The following RHPN2 variants were observed in gnomAD, a reference collection of about 807,000 sequenced individuals.
The protein encoded by RHPN2 is rhophilin Rho GTPase binding protein 2.
A neutral mutation model predicts 79.0 loss-of-function variants in RHPN2; 40 were observed. The observed-to-expected ratio is 0.51, with a 90% CI of 0.39 to 0.66. RHPN2 has a LOEUF of 0.66. Among genes scored for constraint, RHPN2 ranks in the 30% least tolerant of loss-of-function variants. RHPN2 has a pLI of 0.00. For synonymous variants in RHPN2, 285 were observed against 363.5 expected (o/e 0.78, Z 2.46); for missense variants, 686 against 883.5 (o/e 0.78, Z 2.83).
In RHPN2 at chr19:33,026,703, C is replaced by T. The variant is rs1252339215; in HGVS notation, c.186-71G>A. 17 of 1,546,960 alleles carry T rather than the reference C, an allele frequency of 1.1e-5. No homozygotes were observed. The Admixed American group carries it at 2.9e-4, about 26-fold the overall frequency. The stretch of plus-strand genomic sequence containing the variant: ...TGGCTTCTAGGTGAGCAGACCCAAT[C>T]CCCAGTCCCTGCAGGGAGGATCAGG... On this transcript the variant is annotated intron_variant, in intron 2 of 14. Coordinates refer to ENST00000254260, the MANE Select transcript of RHPN2 (RefSeq NM_033103.5).
At position 33,042,200 on chromosome 19, in the gene RHPN2, A is replaced by AG. The variant is rs1555714223; in HGVS notation, c.185+2048_185+2049insC. 4.0e-5 allele frequency among the ~76,000 whole-genome samples: 6 copies of AG among 151,408 alleles called. No individual in the cohort carries two copies. The South Asian group carries it at 6.3e-4, about 16-fold the overall frequency. ...GTGAAACTCCATCTCAAAAAAAAAAAAAAGGTGCTCAATGAATCCATGAAT... is the reference window on the plus strand; with the variant it reads ...GTGAAACTCCATCTCAAAAAAAAAAAGAAAGGTGCTCAATGAATCCATGAAT... On this transcript the variant is annotated intron_variant, in intron 2 of 14. Coordinates refer to ENST00000254260, the MANE Select transcript of RHPN2 (RefSeq NM_033103.5).
chr19:33,013,542 G>A (rs1218051465), intron 4 of RHPN2, among the ~76,000 whole-genome samples: 2 of 151,656 alleles, frequency 1.3e-5, no homozygotes, highest in Non-Finnish European at 2.9e-5. Context: ...GAGAGTTGAA[G>A]TAAATTTTTT....
At chr19:32,999,950 G>A (rs540314341) in intron 9 of RHPN2, among the ~76,000 whole-genome samples, 26 of 152,180 alleles carry the variant, frequency 1.7e-4, no homozygotes, top group South Asian at 4.2e-4. Flanking sequence ...GTTCACTGCC[G>A]CCTTGAACTC....
intron 10 of RHPN2, among the ~76,000 whole-genome samples, chr19:32,997,168 G>A (rs537774438): frequency 1.1e-3 from 172 of 152,280 alleles, no homozygotes; most frequent in Middle Eastern, 3.4e-3. Flanking sequence ...CAGACTGCTG[G>A]GATGACAGGC....
intron 3 of RHPN2, among the ~76,000 whole-genome samples, chr19:33,023,458 A>C (rs1971941093): frequency 6.6e-6 from 1 of 150,816 alleles, no homozygotes; most frequent in Admixed American, 6.6e-5. Context: ...AAAAAGAAAA[A>C]AAAAAGATCA....
At chr19:33,030,868 G>A (rs1042564817) in intron 2 of RHPN2, among the ~76,000 whole-genome samples, 22 of 152,134 alleles carry the variant, frequency 1.4e-4, no homozygotes, top group African/African-American at 4.3e-4. Flanking sequence ...GTAGGGGCTC[G>A]GTCCCACAAG....
chr19:32,982,257 A>G (rs1285142552), intron 14 of RHPN2, among the ~76,000 whole-genome samples: 4 of 151,966 alleles, frequency 2.6e-5, no homozygotes, highest in East Asian at 3.9e-4. Flanking sequence ...AAAATACAAA[A>G]ATCAGCCAGG....
chr19:33,042,189 C>CAAAA (rs111551787), intron 2 of RHPN2, among the ~76,000 whole-genome samples: 2 of 129,426 alleles, frequency 1.5e-5, no homozygotes, highest in Admixed American at 8.4e-5. Context: ...AACTCCATCT[C>CAAAA]AAAAAAAAAA....
At chr19:33,012,121 A>AACTTCC (rs1971840349) in intron 5 of RHPN2, among the ~76,000 whole-genome samples, 1 of 147,318 alleles carries the variant, frequency 6.8e-6, no homozygotes, top group African/African-American at 2.5e-5. Context: ...GGCTCACTGT[A>AACTTCC]ACTTCCACCT....
intron 10 of RHPN2, among the ~76,000 whole-genome samples, chr19:32,997,573 T>C (rs1359934339): frequency 6.6e-6 from 1 of 151,740 alleles, no homozygotes; most frequent in Non-Finnish European, 1.5e-5. Flanking sequence ...CACTGCAACC[T>C]CCACCTCCCA....
chr19:33,005,790 A>G (rs1207250435), intron 7 of RHPN2, among the ~76,000 whole-genome samples: 1 of 152,152 alleles, frequency 6.6e-6, no homozygotes, highest in African/African-American at 2.4e-5. Context: ...AAGATTCCTC[A>G]GAAAGATGAG....
chr19:33,022,065 C>A (rs1249420224), intron 3 of RHPN2, among the ~76,000 whole-genome samples: 1 of 152,120 alleles, frequency 6.6e-6, no homozygotes, highest in African/African-American at 2.4e-5. Flanking sequence ...CTCAGCCCCC[C>A]GAGTAACTGG....
Position 33,044,355 on chromosome 19 carries a change from G to A in RHPN2, c.79C>T (p.Pro27Ser), listed in dbSNP as rs750714554. 61 of 1,613,706 alleles carry A rather than the reference G, an allele frequency of 3.8e-5. No individual in the cohort carries two copies. In the South Asian group the frequency reaches 5.8e-4, roughly 15 times the overall value. The change falls in exon 2 of 15, where the codon CCC becomes TCC. Residue 27 changes from proline to serine, a missense_variant. Physicochemically the swap from Pro to Ser is moderately conservative, Grantham distance 74 (BLOSUM62 -1). Coordinates refer to ENST00000254260, the MANE Select transcript of RHPN2 (RefSeq NM_033103.5). ...TTACTCCGGCCGGTTTGTGCAAGGGGATTACAGCCCTGAGGAAAAATAAGA... is the reference window on the plus strand; with the variant it reads ...TTACTCCGGCCGGTTTGTGCAAGGGAATTACAGCCCTGAGGAAAAATAAGA... ...NDGYFRKGCN[P>S]LAQTGRSKLQ...
chr19:33,027,235 C>G (rs1359371484), intron 2 of RHPN2: 2 of 101,278 alleles, frequency 2.0e-5, no homozygotes, highest in Non-Finnish European at 3.5e-5. Flanking sequence ...GACAACAGAG[C>G]AAGGCTCCCT....
chr19:33,028,579 T>A (rs1971985558), intron 2 of RHPN2, among the ~76,000 whole-genome samples: 1 of 152,136 alleles, frequency 6.6e-6, no homozygotes, highest in Non-Finnish European at 1.5e-5. Context: ...ACATGTAAAC[T>A]GAAAACTACA....
intron 2 of RHPN2, among the ~76,000 whole-genome samples, chr19:33,032,016 CTTTTTTTTTTT>C (rs34807523): frequency 1.1e-5 from 1 of 91,390 alleles, no homozygotes; most frequent in Non-Finnish European, 2.1e-5. Context: ...CCGGGCCGGT[CTTTTTTTTTTT>C]TTTTTTTTTT....
At chr19:33,037,395 T>A (rs1250720738) in intron 2 of RHPN2, among the ~76,000 whole-genome samples, 1 of 152,136 alleles carries the variant, frequency 6.6e-6, no homozygotes, top group Non-Finnish European at 1.5e-5. Flanking sequence ...GTGGGGCCAG[T>A]TAAGAGAATA....
intron 9 of RHPN2, 57 bp from the exon 10 acceptor site, chr19:32,999,762 T>G (rs1464334461): frequency 6.3e-7 from 1 of 1,595,388 alleles, no homozygotes; most frequent in Non-Finnish European, 8.6e-7. Context: ...CAGACCCACG[T>G]AGAGATTTCT....
At chr19:32,994,650 T>C (rs1971686855) in intron 11 of RHPN2, among the ~76,000 whole-genome samples, 1 of 151,898 alleles carries the variant, frequency 6.6e-6, no homozygotes, top group African/African-American at 2.4e-5. Flanking sequence ...TTAGTGGGCT[T>C]CTCTGGCACT....
Sources: allele counts gnomAD v4.1 joint callset (sites outside exome capture counted in the v4.1 genomes callset), GRCh38; gene constraint gnomAD v4.1.1; transcripts MANE v1.5; gene names NCBI Gene and HGNC (gene_info 2026-07-23, HGNC 2026-07-21).